The following GABRG3 variants were observed in gnomAD, a reference collection of about 807,000 sequenced individuals.
GABRG3 encodes the protein gamma-aminobutyric acid receptor subunit gamma-3.
In GABRG3, 25 loss-of-function variants were observed where a neutral mutation model predicts 48.8. The ratio of observed to expected loss-of-function variants is 0.51; its 90% CI spans 0.37 to 0.72. GABRG3 has a LOEUF of 0.72. Among genes scored for constraint, GABRG3 ranks in the 30% least tolerant of loss-of-function variants. GABRG3 has a pLI of 0.00. For missense variants in GABRG3, 394 were observed against 577.9 expected, an observed-to-expected ratio of 0.68 and a Z score of 3.26; for synonymous variants, 227 against 217.6, an observed-to-expected ratio of 1.04 and a Z score of -0.38.
At chr15:27,228,195 T>G (rs1889684979) in intron 3 of GABRG3, among the ~76,000 whole-genome samples, 1 of 152,204 alleles carries the variant, frequency 6.6e-6, no homozygotes, top group Admixed American at 6.5e-5. Flanking sequence ...CAGTTCCCAA[T>G]AGTTGTCTTT....
Position 27,304,188 on chromosome 15 carries a change from G to A in GABRG3, c.271-22621G>A, listed in dbSNP as rs372758742. The stretch of plus-strand genomic sequence containing the variant: ...GCTTAGTGGCAAACTCAACATTCCT[G>A]TTAACCTAGTAGAAGATCTGGTCAG... On this transcript the variant is annotated intron_variant, in intron 3 of 9. Coordinates refer to ENST00000615808, the MANE Select transcript of GABRG3 (RefSeq NM_033223.5). 6.6e-5 allele frequency among the ~76,000 whole-genome samples: 10 copies of A among 151,922 alleles called. No homozygotes were observed. The South Asian group carries it at 2.1e-3, about 32-fold the overall frequency.
intron 3 of GABRG3, among the ~76,000 whole-genome samples, chr15:27,305,175 T>A (rs993594087): frequency 6.6e-6 from 1 of 151,840 alleles, no homozygotes; most frequent in African/African-American, 2.4e-5. Context: ...AAGAGACGAT[T>A]TTTCTCCATT....
At chr15:27,164,037 G>T (rs561842959) in intron 3 of GABRG3, among the ~76,000 whole-genome samples, 1 of 152,296 alleles carries the variant, frequency 6.6e-6, no homozygotes, top group East Asian at 1.9e-4. Context: ...AAATTTTATT[G>T]TAATTACACA....
intron 3 of GABRG3, among the ~76,000 whole-genome samples, chr15:27,078,336 G>T (rs939920586): frequency 6.6e-6 from 1 of 152,118 alleles, no homozygotes; most frequent in African/African-American, 2.4e-5. Context: ...TCTCTTTCTC[G>T]ACATCCTTTT....
At chr15:27,327,333 G>C (rs574167172) in intron 4 of GABRG3, among the ~76,000 whole-genome samples, 2 of 152,256 alleles carry the variant, frequency 1.3e-5, no homozygotes, top group Admixed American at 6.5e-5. Flanking sequence ...AGATGTCTTG[G>C]TGCACTAATC....
intron 3 of GABRG3, among the ~76,000 whole-genome samples, chr15:27,318,233 T>C (rs914626969): frequency 2.0e-5 from 3 of 152,152 alleles, no homozygotes; most frequent in African/African-American, 4.8e-5. Flanking sequence ...CAGTGTGGAA[T>C]TGGAATCATT....
intron 3 of GABRG3, among the ~76,000 whole-genome samples, chr15:27,191,444 C>T (rs1226056373): frequency 6.6e-6 from 1 of 152,154 alleles, no homozygotes; most frequent in East Asian, 1.9e-4. Flanking sequence ...ATAGTTAGCT[C>T]TTCTTGTTGA....
At chr15:27,099,429 G>A (rs1010688234) in intron 3 of GABRG3, among the ~76,000 whole-genome samples, 5 of 152,010 alleles carry the variant, frequency 3.3e-5, no homozygotes, top group Non-Finnish European at 7.4e-5. Context: ...TCTTCGCATG[G>A]TTTCCCCTGT....
At chr15:27,313,602 A>G (rs1174454782) in intron 3 of GABRG3, among the ~76,000 whole-genome samples, 2 of 151,902 alleles carry the variant, frequency 1.3e-5, no homozygotes, top group Non-Finnish European at 2.9e-5. Flanking sequence ...GCAAGTCTCA[A>G]CAAATTAAGA....
At chr15:27,144,557 A>G (rs1898163899) in intron 3 of GABRG3, among the ~76,000 whole-genome samples, 1 of 152,108 alleles carries the variant, frequency 6.6e-6, no homozygotes, top group Non-Finnish European at 1.5e-5. Flanking sequence ...TGGGGGAGAG[A>G]AAGCTCACCA....
intron 5 of GABRG3, among the ~76,000 whole-genome samples, chr15:27,351,338 T>A (rs1242971862): frequency 6.8e-6 from 1 of 147,414 alleles, no homozygotes; most frequent in Non-Finnish European, 1.5e-5. Context: ...TGTGTGTGTA[T>A]GGTATATGTG....
At chr15:27,166,958 C>T (rs1018135953) in intron 3 of GABRG3, among the ~76,000 whole-genome samples, 4 of 152,132 alleles carry the variant, frequency 2.6e-5, no homozygotes, top group Non-Finnish European at 5.9e-5. Context: ...AGAAACAGAG[C>T]TTTATTCTCC....
At chr15:27,383,614 A>G (rs950063732) in intron 5 of GABRG3, among the ~76,000 whole-genome samples, 3 of 152,188 alleles carry the variant, frequency 2.0e-5, no homozygotes, top group African/African-American at 7.2e-5. Flanking sequence ...TCTGGTCAAC[A>G]GTGTCAAGCC....
Position 26,975,547 on chromosome 15 carries a change from C to T in GABRG3, c.54-1455C>T, listed in dbSNP as rs1274774581. On this transcript the variant is annotated intron_variant, in intron 1 of 9. Transcript: ENST00000615808. The surrounding 1 kb of genome is among the most constrained non-coding windows in gnomAD (Gnocchi z 4.6). The stretch of plus-strand genomic sequence containing the variant: ...ACTATCTGGCCAACACTCTAGTCTA[C>T]GTTATGGCTAGTTAACACGCTTTAA... Among the ~76,000 whole-genome samples, 5 of 152,066 alleles carry T rather than the reference C, an allele frequency of 3.3e-5. No homozygotes were observed. Among genetic ancestry groups the T allele is most frequent in the African/African-American group, 7.2e-5 (3 of 41,400 alleles).
At chr15:27,349,589 C>G (rs1894487793) in intron 5 of GABRG3, among the ~76,000 whole-genome samples, 1 of 152,188 alleles carries the variant, frequency 6.6e-6, no homozygotes, top group African/African-American at 2.4e-5. Flanking sequence ...TCGACCCTGT[C>G]TTTGAATCTT....
At chr15:27,478,627 C>G (rs1180131265) in intron 5 of GABRG3, among the ~76,000 whole-genome samples, 5 of 152,134 alleles carry the variant, frequency 3.3e-5, no homozygotes, top group Admixed American at 1.3e-4. Flanking sequence ...TACCCAGACT[C>G]AACAATTCTA....
At chr15:27,218,688 C>T (rs993593354) in intron 3 of GABRG3, among the ~76,000 whole-genome samples, 1 of 152,166 alleles carries the variant, frequency 6.6e-6, no homozygotes, top group Admixed American at 6.5e-5. Context: ...TTCCTACCCT[C>T]AATGCAAATC....
At chr15:27,245,337 G>A (rs145279652) in intron 3 of GABRG3, among the ~76,000 whole-genome samples, 33 of 152,212 alleles carry the variant, frequency 2.2e-4, no homozygotes, top group African/African-American at 7.7e-4. Flanking sequence ...AGGGCAGTGT[G>A]GATTTGATGA....
intron 3 of GABRG3, chr15:27,158,135 C>T: frequency 6.6e-6 from 1 of 152,014 alleles, no homozygotes; most frequent in Non-Finnish European, 1.5e-5. Flanking sequence ...TTCAGGGATG[C>T]AGGTGGAAGG....
Sources: gnomAD v4.1 joint callset for allele counts (sites outside exome capture counted in the v4.1 genomes callset) on GRCh38, gnomAD v4.1.1 for gene constraint, Gnocchi (gnomAD v3.1) non-coding constraint, MANE v1.5 for transcripts, NCBI Gene and HGNC (gene_info 2026-07-23, HGNC 2026-07-21) for gene names.